The following ZBTB20 variants were observed in gnomAD, a reference collection of about 807,000 sequenced individuals.
The protein encoded by ZBTB20 is zinc finger and BTB domain-containing protein 20.
A neutral mutation model predicts 56.9 loss-of-function variants in ZBTB20; 9 were observed. That is an observed-to-expected ratio of 0.16 (90% CI 0.10 to 0.28). The LOEUF is 0.28. Among genes scored for constraint, ZBTB20 ranks in the 10% least tolerant of loss-of-function variants. The probability of loss-of-function intolerance (pLI) is 1.00; values close to 1 mark genes in which losing one functional copy is unlikely to be tolerated. For synonymous variants in ZBTB20, 417 were observed against 420.7 expected (o/e 0.99, Z 0.11); for missense variants, 655 against 1,003.0 (o/e 0.65, Z 4.69).
intron 7 of ZBTB20, among the ~76,000 whole-genome samples, chr3:114,418,791 A>T (rs916623712): frequency 6.6e-6 from 1 of 152,026 alleles, no homozygotes; most frequent in African/African-American, 2.4e-5. Context: ...TGTAATGGGA[A>T]TTTTTCATAC....
intron 2 of ZBTB20, among the ~76,000 whole-genome samples, chr3:115,008,155 T>C (rs770766566): frequency 1.3e-5 from 2 of 151,966 alleles, no homozygotes; most frequent in Admixed American, 6.6e-5. Flanking sequence ...GTTGTATACA[T>C]ACTGCTGACT....
At chr3:114,826,635 CACA>C (rs1168405636) in intron 4 of ZBTB20, among the ~76,000 whole-genome samples, 7 of 151,560 alleles carry the variant, frequency 4.6e-5, no homozygotes, top group Non-Finnish European at 1.0e-4. Flanking sequence ...TTTTTCAGTG[CACA>C]ACGTGAACAC....
At chr3:114,920,240 GA>G (rs1043579398) in intron 3 of ZBTB20, among the ~76,000 whole-genome samples, 9 of 152,070 alleles carry the variant, frequency 5.9e-5, no homozygotes, top group South Asian at 2.1e-4. Context: ...AATCACCAGG[GA>G]AACAGTGGTC....
chr3:115,143,510 GA>G (rs1485350634), intron 1 of ZBTB20, among the ~76,000 whole-genome samples: 4 of 151,916 alleles, frequency 2.6e-5, no homozygotes, highest in Non-Finnish European at 5.9e-5. Context: ...CTCAAAAAAC[GA>G]AAAAGAAACC....
intron 1 of ZBTB20, among the ~76,000 whole-genome samples, chr3:115,082,478 T>C (rs1028477060): frequency 6.6e-6 from 1 of 152,074 alleles, no homozygotes; most frequent in African/African-American, 2.4e-5. Context: ...CTAACACCAA[T>C]TAGCTAATTT....
rs1445630227 is a variant in ZBTB20 at position 114,940,374 on chromosome 3, A to AT, written c.-456+33991dup. ...ATTCATATAAACTAAGAAAGGAGGAATTATTCATTCATTTCTGATTTTTTT... is the reference window on the plus strand; with the variant it reads ...ATTCATATAAACTAAGAAAGGAGGAATTTATTCATTCATTTCTGATTTTTTT... On this transcript the variant is annotated intron_variant, in intron 3 of 11. Transcript: ENST00000675478. 2.4e-5 allele frequency among the ~76,000 whole-genome samples: 3 copies of AT among 124,804 alleles called. 1 individual carries two copies. Among genetic ancestry groups the AT allele is most frequent in the African/African-American group, 1.2e-4 (3 of 24,876 alleles). The allele number at this position is 124,804 out of a possible 152,430, so 81.9% of individuals were successfully genotyped here.
intron 10 of ZBTB20, among the ~76,000 whole-genome samples, chr3:114,358,973 T>A (rs1357963185): frequency 6.6e-6 from 1 of 152,154 alleles, no homozygotes; most frequent in East Asian, 1.9e-4. Flanking sequence ...GAATAAAAAT[T>A]TAGGCCCCCT....
At position 114,336,006 on chromosome 3, in the gene ZBTB20, T is replaced by C. The variant is rs1194881832; in HGVS notation, c.*2999A>G. On this transcript the variant is annotated 3_prime_UTR_variant, in exon 12 of 12. Coordinates refer to ENST00000675478, the MANE Select transcript of ZBTB20 (RefSeq NM_001348800.3). The stretch of plus-strand genomic sequence containing the variant: ...CTCTCAGATTTGAGAAACAGAAAGC[T>C]ACACGTGGCCCATAATGGCACCTAA... The C allele has an allele frequency of 1.3e-5, 2 of 152,226 alleles. No homozygotes were observed. The highest frequency in any genetic ancestry group is 2.9e-5 in the Non-Finnish European group (2 of 68,036). The allele number at this position is 152,226 out of a possible 1,614,324, so 9.4% of individuals were successfully genotyped here.
At chr3:115,134,467 A>G (rs1206221731) in intron 1 of ZBTB20, among the ~76,000 whole-genome samples, 1 of 151,866 alleles carries the variant, frequency 6.6e-6, no homozygotes, top group Non-Finnish European at 1.5e-5. Context: ...TTCTAGATCT[A>G]TCCTCCAAAT....
chr3:114,693,470 G>A lies in ZBTB20; in HGVS notation c.-295+58C>T, dbSNP rs1020004871. 3 of 152,142 alleles carry A rather than the reference G, an allele frequency of 2.0e-5. No individual in the cohort carries two copies. The East Asian group carries it at 5.8e-4, about 29-fold the overall frequency. The allele number at this position is 152,142 out of a possible 1,614,324, so 9.4% of individuals were successfully genotyped here. A position where few individuals can be genotyped will look rare whatever the true frequency, so the allele number is the denominator to read the frequency against. On this transcript the variant is annotated intron_variant, in intron 6 of 11. Transcript: ENST00000675478. ...TTCTGAGGTTCATGGAAAGATATTTGACTTCTTTGCACCTCAATATTTTGG... is the reference window on the plus strand; with the variant it reads ...TTCTGAGGTTCATGGAAAGATATTTAACTTCTTTGCACCTCAATATTTTGG...
intron 5 of ZBTB20, among the ~76,000 whole-genome samples, chr3:114,706,864 G>C (rs752079442): frequency 6.6e-6 from 1 of 152,072 alleles, no homozygotes; most frequent in East Asian, 1.9e-4. Context: ...ATCAAATGAC[G>C]AGAGTAGTTT....
intron 7 of ZBTB20, among the ~76,000 whole-genome samples, chr3:114,482,596 C>T (rs2718412): frequency 0.62 from 94,729 of 151,986 alleles, 30,404 homozygotes; most frequent in Non-Finnish European, 0.71. Context: ...TATTTTTATT[C>T]ATGACTTATA....
At chr3:114,568,928 C>G (rs1478384310) in intron 6 of ZBTB20, among the ~76,000 whole-genome samples, 15 of 152,064 alleles carry the variant, frequency 9.9e-5, no homozygotes, top group Admixed American at 9.8e-4. Flanking sequence ...CGGGTGAGTT[C>G]CTGGGTACTC....
intron 6 of ZBTB20, among the ~76,000 whole-genome samples, chr3:114,559,705 A>G (rs1473826998): frequency 6.6e-6 from 1 of 152,208 alleles, no homozygotes; most frequent in Non-Finnish European, 1.5e-5. Flanking sequence ...TCTGTAGAGA[A>G]GGAACACCTA....
At chr3:114,874,933 T>A (rs2076136893) in intron 4 of ZBTB20, among the ~76,000 whole-genome samples, 1 of 152,186 alleles carries the variant, frequency 6.6e-6, no homozygotes, top group Non-Finnish European at 1.5e-5. Flanking sequence ...CCAACCAAAC[T>A]ATGCTACAGG....
rs140317990 is a variant in ZBTB20, at chr3:114,521,807, C to G, written c.-294-21416G>C. On this transcript the variant is annotated intron_variant, in intron 6 of 11. Transcript: ENST00000675478. The stretch of plus-strand genomic sequence containing the variant: ...GATAAGCCTGCATAAAGCACTCTTA[C>G]TTTCAAAATTAATTTTGAAGAATAA... Among the ~76,000 whole-genome samples, 842 of 152,272 alleles carry G rather than the reference C, an allele frequency of 5.5e-3. 13 individuals are homozygous for G. The highest frequency in any genetic ancestry group is 0.019 in the African/African-American group (778 of 41,562).
intron 5 of ZBTB20, among the ~76,000 whole-genome samples, chr3:114,712,011 G>A (rs1354259559): frequency 2.6e-5 from 4 of 152,214 alleles, no homozygotes; most frequent in Non-Finnish European, 4.4e-5. Flanking sequence ...AGTGCTGGAT[G>A]TAAAAGGAAG....
At chr3:114,489,877 C>A (rs188631309) in intron 7 of ZBTB20, among the ~76,000 whole-genome samples, 1 of 152,278 alleles carries the variant, frequency 6.6e-6, no homozygotes, top group African/African-American at 2.4e-5. Context: ...TAAGCCATCA[C>A]GGCCACCACC....
chr3:115,022,855 T>C (rs1490993418), intron 2 of ZBTB20, among the ~76,000 whole-genome samples: 1 of 151,096 alleles, frequency 6.6e-6, no homozygotes, highest in African/African-American at 2.4e-5. Flanking sequence ...TTACCTTCAC[T>C]ATGACAAGGA....
Sources: allele counts gnomAD v4.1 joint callset (sites outside exome capture counted in the v4.1 genomes callset), GRCh38; gene constraint gnomAD v4.1.1; transcripts MANE v1.5; gene names NCBI Gene and HGNC (gene_info 2026-07-23, HGNC 2026-07-21).